Variants in HHLA1 observed in about 807,000 individuals in gnomAD.
HHLA1 encodes the protein HHLA1 neighbor of OC90, also known as HERV-H LTR-associating protein 1.
Under a neutral mutation model 69.9 loss-of-function variants are expected in HHLA1, and 72 were observed. The ratio of observed to expected loss-of-function variants is 1.03; its 90% CI spans 0.85 to 1.25. HHLA1 has a LOEUF of 1.25. HHLA1 is among the 50% of genes most tolerant of loss of function. HHLA1 has a pLI of 0.00. For missense variants in HHLA1, 685 were observed against 642.2 expected (o/e 1.07, Z -0.72); for synonymous variants, 252 against 233.2 (o/e 1.08, Z -0.73).
chr8:132,078,880 C>G (rs144121473), intron 11 of HHLA1, among the ~76,000 whole-genome samples: 67 of 152,076 alleles, frequency 4.4e-4, no homozygotes, highest in African/African-American at 1.6e-3. Context: ...ATTGTTGGAA[C>G]CCACTGAGAA....
intron 14 of HHLA1, among the ~76,000 whole-genome samples, chr8:132,075,123 G>A (rs1823613242): frequency 6.6e-6 from 1 of 152,204 alleles, no homozygotes; most frequent in African/African-American, 2.4e-5. Flanking sequence ...AATTTCCTTA[G>A]TAGCATAATC....
intron 15 of HHLA1, among the ~76,000 whole-genome samples, chr8:132,068,129 A>G (rs1419085724): frequency 6.6e-6 from 1 of 152,266 alleles, no homozygotes; most frequent in East Asian, 1.9e-4. Flanking sequence ...AGAAGTTCAT[A>G]TTGCTAGATG....
In HHLA1 at chr8:132,094,449, T is replaced by A. The variant is rs1823990706; in HGVS notation, c.448+1070A>T. On this transcript the variant is annotated intron_variant, in intron 7 of 16. Coordinates refer to ENST00000414222, the MANE Select transcript of HHLA1 (RefSeq NM_001145095.3). ...TTGCCCTCACCAATCAGAGCTAATTTCCTATAGCTCTGTCCTGGCTAACCT... is the reference window on the plus strand; with the variant it reads ...TTGCCCTCACCAATCAGAGCTAATTACCTATAGCTCTGTCCTGGCTAACCT... Among the ~76,000 whole-genome samples the A allele has an allele frequency of 2.0e-5, 3 of 152,134 alleles. No individual in the cohort carries two copies. The South Asian group carries it at 6.2e-4, about 32-fold the overall frequency.
chr8:132,068,845 G>T (rs2957047), intron 15 of HHLA1, among the ~76,000 whole-genome samples: 3 of 152,158 alleles, frequency 2.0e-5, no homozygotes, highest in Admixed American at 6.5e-5. Flanking sequence ...TGGTTCTGGG[G>T]CCCCAAATAA....
chr8:132,097,943 A>T (rs2469609), intron 5 of HHLA1, among the ~76,000 whole-genome samples: 24,110 of 152,242 alleles, frequency 0.16, 2,531 homozygotes, highest in Middle Eastern at 0.27. Context: ...CTGAATTGGC[A>T]TTCTCCATCC....
Position 132,063,291 on chromosome 8 carries a change from T to C in HHLA1, c.*704A>G, listed in dbSNP as rs1823382664. 6.6e-6 allele frequency: 1 copy of C among 152,174 alleles called. No homozygotes were observed. Among genetic ancestry groups the C allele is most frequent in the Non-Finnish European group, 1.5e-5 (1 of 68,046 alleles). The allele number at this position is 152,174 out of a possible 1,614,324, so 9.4% of individuals were successfully genotyped here. On this transcript the variant is annotated 3_prime_UTR_variant, in exon 17 of 17. Transcript: ENST00000414222. ...TATAACAGTTTTCCCTACCTCTGAG[T>C]TCTACTCATGAATCATTGAACCTGA... is the stretch of plus-strand genomic sequence containing the variant.
chr8:132,071,106 G>A (rs1352644488), intron 15 of HHLA1, among the ~76,000 whole-genome samples: 2 of 152,120 alleles, frequency 1.3e-5, no homozygotes, highest in Admixed American at 6.6e-5. Context: ...TACTTATTGT[G>A]TCAGGCACTG....
chr8:132,081,603 T>A (rs571771496), intron 10 of HHLA1, among the ~76,000 whole-genome samples: 1 of 152,296 alleles, frequency 6.6e-6, no homozygotes, highest in South Asian at 2.1e-4. Context: ...ACTGAGGAAT[T>A]ATGTCTGACA....
intron 1 of HHLA1, among the ~76,000 whole-genome samples, chr8:132,107,844 A>AGAGG (rs1206806160): frequency 1.5e-5 from 1 of 68,142 alleles, no homozygotes; most frequent in African/African-American, 5.5e-5. Flanking sequence ...GTTTGGAGAG[A>AGAGG]GTTTTATAAA....
chr8:132,104,204 C>G (rs539199941), intron 2 of HHLA1, 37 bp from the exon 3 acceptor site: 3 of 1,410,558 alleles, frequency 2.1e-6, no homozygotes, highest in East Asian at 5.0e-5. Context: ...AAATTATAAC[C>G]AAGACATAAT....
At chr8:132,093,166 A>G (rs1439448862) in intron 7 of HHLA1, among the ~76,000 whole-genome samples, 1 of 152,214 alleles carries the variant, frequency 6.6e-6, no homozygotes, top group African/African-American at 2.4e-5. Flanking sequence ...TAAGTAGCTT[A>G]GATGACAGGT....
chr8:132,101,239 A>G (rs1563749522), intron 3 of HHLA1: 1 of 1,550,506 alleles, frequency 6.4e-7, no homozygotes, highest in South Asian at 1.2e-5. Context: ...GGAATGTCCC[A>G]TCTTTTTCCT....
intron 12 of HHLA1, among the ~76,000 whole-genome samples, chr8:132,077,281 A>G (rs1158516027): frequency 3.9e-5 from 6 of 152,164 alleles, no homozygotes; most frequent in Non-Finnish European, 7.3e-5. Flanking sequence ...GCAGGCACAC[A>G]AAGTGCATAC....
intron 11 of HHLA1, 126 bp from the exon 12 acceptor site, chr8:132,078,097 A>T: frequency 9.8e-7 from 1 of 1,020,026 alleles, no homozygotes; most frequent in Non-Finnish European, 1.4e-6. Flanking sequence ...AATATAAGTA[A>T]TCCAGGGGCT....
chr8:132,090,318 T>C (rs759489002), intron 7 of HHLA1, among the ~76,000 whole-genome samples: 2 of 152,200 alleles, frequency 1.3e-5, no homozygotes, highest in Non-Finnish European at 2.9e-5. Context: ...ATCTCCTTCT[T>C]TGTTCATTTA....
Position 132,062,907 on chromosome 8 carries a change from A to G in HHLA1, c.*1088T>C. On this transcript the variant is annotated 3_prime_UTR_variant, in exon 17 of 17. Coordinates refer to ENST00000414222, the MANE Select transcript of HHLA1 (RefSeq NM_001145095.3). Reference sequence around the variant, plus strand: ...TCTCTTGTACCTGGGGCTTCGTGCCATGACAGATAGTTTATGTTAACAATG... The same window carrying G: ...TCTCTTGTACCTGGGGCTTCGTGCCGTGACAGATAGTTTATGTTAACAATG... 6.6e-6 allele frequency: 1 copy of G among 152,200 alleles called. No individual in the cohort carries two copies. Among genetic ancestry groups the G allele is most frequent in the East Asian group, 1.9e-4 (1 of 5,184 alleles). 9.4% of individuals were successfully genotyped at this position (152,200 alleles called of 1,614,324 possible). A position where few individuals can be genotyped will look rare whatever the true frequency, so the allele number is the denominator to read the frequency against.
In HHLA1 at chr8:132,104,099, C is replaced by T. The variant is rs1224427523; in HGVS notation, c.139+9G>A. 2 of 1,547,272 alleles carry T rather than the reference C, an allele frequency of 1.3e-6. No individual in the cohort carries two copies. The highest frequency in any genetic ancestry group is 1.2e-5 in the South Asian group (1 of 83,952). On this transcript the variant is annotated intron_variant, in intron 3 of 16. Transcript: ENST00000414222. ...GTGAGCTGAAAAGGAGCCCTTATCA[C>T]CCACTTACCTGTTGTAGGTAAAAAG...
chr8:132,095,890 C>A, intron 5 of HHLA1, 104 bp from the exon 6 acceptor site: 10 of 604,372 alleles, frequency 1.7e-5, no homozygotes, highest in South Asian at 1.6e-4. Flanking sequence ...AATAAAGAAA[C>A]CAATGATGAA....
chr8:132,085,464 G>C (rs1823844664), intron 10 of HHLA1: 1 of 393,776 alleles, frequency 2.5e-6, no homozygotes, highest in Non-Finnish European at 5.1e-6. Flanking sequence ...TGAGGTCGTA[G>C]GTGGATCTTT....
Sources: allele counts gnomAD v4.1 joint callset (sites outside exome capture counted in the v4.1 genomes callset), GRCh38; gene constraint gnomAD v4.1.1; transcripts MANE v1.5; gene names NCBI Gene and HGNC (gene_info 2026-07-23, HGNC 2026-07-21).